NAALADL2: variants seen among roughly 807,000 people sequenced by gnomAD.
NAALADL2 encodes inactive N-acetylated-alpha-linked acidic dipeptidase-like protein 2.
In NAALADL2, 76 loss-of-function variants were observed where a neutral mutation model predicts 87.2. The ratio of observed to expected loss-of-function variants is 0.87; its 90% CI spans 0.72 to 1.05. The LOEUF is 1.05. NAALADL2 is among the 50% of genes least tolerant of loss of function. The pLI, the probability that NAALADL2 is intolerant of heterozygous loss-of-function variation, is 0.00. For synonymous variants in NAALADL2, 354 were observed against 331.0 expected, an observed-to-expected ratio of 1.07 and a Z score of -0.75; for missense variants, 1,089 against 945.8, an observed-to-expected ratio of 1.15 and a Z score of -1.99.
chr3:174,696,667 T>A (rs1253031804), intron 2 of NAALADL2, among the ~76,000 whole-genome samples: 1 of 151,478 alleles, frequency 6.6e-6, no homozygotes, highest in Non-Finnish European at 1.5e-5. Context: ...TTTTTTCCAT[T>A]ACTGATCTAG....
At chr3:175,368,698 GA>G (rs1288595387) in intron 5 of NAALADL2, among the ~76,000 whole-genome samples, 1 of 151,972 alleles carries the variant, frequency 6.6e-6, no homozygotes, top group African/African-American at 2.4e-5. Context: ...ATTGTTGAGA[GA>G]ACATCATAGA....
chr3:174,544,518 T>C (rs1200414781), intron 1 of NAALADL2, among the ~76,000 whole-genome samples: 1 of 151,668 alleles, frequency 6.6e-6, no homozygotes, highest in African/African-American at 2.4e-5. Context: ...ATATACTAAA[T>C]GGCTATCAAT....
chr3:174,618,005 G>C (rs145045550), intron 2 of NAALADL2, among the ~76,000 whole-genome samples: 4,060 of 151,786 alleles, frequency 0.027, 79 homozygotes, highest in Non-Finnish European at 0.043. Context: ...TTAAATTGTA[G>C]AAGGAAGAAA....
intron 9 of NAALADL2, among the ~76,000 whole-genome samples, chr3:175,481,872 A>G (rs1726523091): frequency 6.6e-6 from 1 of 151,988 alleles, no homozygotes; most frequent in Non-Finnish European, 1.5e-5. Context: ...CATTTATGAA[A>G]AGTCCTAGAA....
At chr3:175,282,911 C>CTTTT in intron 4 of NAALADL2, among the ~76,000 whole-genome samples, 1 of 137,222 alleles carries the variant, frequency 7.3e-6, no homozygotes, top group African/African-American at 2.6e-5. Flanking sequence ...TTTCTGTCTT[C>CTTTT]TTTTTTTTTT....
At chr3:174,795,165 T>G (rs1717942882) in intron 3 of NAALADL2, among the ~76,000 whole-genome samples, 1 of 151,074 alleles carries the variant, frequency 6.6e-6, no homozygotes, top group African/African-American at 2.4e-5. Flanking sequence ...CTAGTATTTT[T>G]TTTGTATTTT....
intron 10 of NAALADL2, among the ~76,000 whole-genome samples, chr3:175,595,376 A>G (rs538499867): frequency 6.6e-6 from 1 of 152,108 alleles, no homozygotes; most frequent in Admixed American, 6.6e-5. Flanking sequence ...TTGTACTAGT[A>G]CCTTGCTTTT....
chr3:175,678,259 T>C (rs1310235254), intron 11 of NAALADL2, among the ~76,000 whole-genome samples: 3 of 152,006 alleles, frequency 2.0e-5, no homozygotes, highest in Non-Finnish European at 2.9e-5. Context: ...TAAAAATGAG[T>C]TCAAGTAAAA....
intron 2 of NAALADL2, among the ~76,000 whole-genome samples, chr3:174,683,237 A>G (rs1176317215): frequency 5.9e-5 from 9 of 152,178 alleles, no homozygotes; most frequent in African/African-American, 1.9e-4. Context: ...AGAATAAAAA[A>G]CAATGAAGTG....
At chr3:175,261,929 G>C (rs1751113833) in intron 4 of NAALADL2, among the ~76,000 whole-genome samples, 1 of 152,068 alleles carries the variant, frequency 6.6e-6, no homozygotes, top group Non-Finnish European at 1.5e-5. Flanking sequence ...TTTGGAAAGA[G>C]CCTGGAGGAA....
chr3:174,918,220 T>C (rs1734668572), intron 1 of NAALADL2, among the ~76,000 whole-genome samples: 1 of 151,886 alleles, frequency 6.6e-6, no homozygotes, highest in South Asian at 2.1e-4. Flanking sequence ...TTTAGGGAGG[T>C]TATTTAGTAT....
chr3:175,662,944 AGTTTGTTTGTTT>A (rs200794824), intron 11 of NAALADL2, among the ~76,000 whole-genome samples: 1 of 151,328 alleles, frequency 6.6e-6, no homozygotes, highest in Non-Finnish European at 1.5e-5. Context: ...ATTGGCCTGT[AGTTTGTTTGTTT>A]GTTTGTTTGT....
chr3:175,562,187 C>G (rs1259657214), intron 9 of NAALADL2, among the ~76,000 whole-genome samples: 1 of 152,094 alleles, frequency 6.6e-6, no homozygotes, highest in Non-Finnish European at 1.5e-5. Flanking sequence ...GTCAAGAATA[C>G]TGGACTTAGA....
At chr3:175,013,012 T>TAA (rs1750064529) in intron 1 of NAALADL2, among the ~76,000 whole-genome samples, 1 of 132,786 alleles carries the variant, frequency 7.5e-6, no homozygotes, top group Non-Finnish European at 1.6e-5. Flanking sequence ...TATGTACATA[T>TAA]ATAATATATA....
At chr3:175,691,238 GTATATATACACACAGATAATATATA>G (rs1308373867) in intron 11 of NAALADL2, among the ~76,000 whole-genome samples, 1 of 150,278 alleles carries the variant, frequency 6.7e-6, no homozygotes, top group Non-Finnish European at 1.5e-5. Context: ...ATCTCTGTGT[GTATATATACACACAGATAATATATA>G]TATATATACA....
At chr3:174,638,411 G>T (rs555815353) in intron 2 of NAALADL2, among the ~76,000 whole-genome samples, 1 of 152,228 alleles carries the variant, frequency 6.6e-6, no homozygotes, top group East Asian at 1.9e-4. Flanking sequence ...GTGGGACAAA[G>T]GACCCTAACT....
intron 11 of NAALADL2, chr3:175,676,636 A>T (rs532683685): frequency 6.7e-6 from 1 of 150,004 alleles, no homozygotes; most frequent in South Asian, 2.2e-4. Flanking sequence ...TGTGCTCTTG[A>T]TTAAAAAAAA....
At chr3:174,823,479 A>T (rs1413406635) in intron 3 of NAALADL2, among the ~76,000 whole-genome samples, 1 of 152,160 alleles carries the variant, frequency 6.6e-6, no homozygotes, top group East Asian at 1.9e-4. Flanking sequence ...CATAAATTAA[A>T]ATATAGATTG....
upstream of NAALADL2, among the ~76,000 whole-genome samples, chr3:174,857,590 GAAGT>G (rs1725995813): frequency 2.0e-5 from 3 of 152,134 alleles, no homozygotes; most frequent in South Asian, 6.2e-4. Context: ...CTTTTAAAGT[GAAGT>G]AAGAATGTGA....
Sources: allele counts gnomAD v4.1 joint callset (sites outside exome capture counted in the v4.1 genomes callset), GRCh38; gene constraint gnomAD v4.1.1; transcripts MANE v1.5; gene names NCBI Gene and HGNC (gene_info 2026-07-23, HGNC 2026-07-21).